The following SERBP1 variants were observed in gnomAD, a reference collection of about 807,000 sequenced individuals.
SERBP1 encodes SERPINE1 mRNA-binding protein 1.
A neutral mutation model predicts 50.2 loss-of-function variants in SERBP1; 6 were observed. That is an observed-to-expected ratio of 0.12 (90% CI 0.07 to 0.24). The LOEUF is 0.24. Among genes scored for constraint, SERBP1 ranks in the 10% least tolerant of loss-of-function variants. The probability of loss-of-function intolerance (pLI) is 1.00; values close to 1 mark genes in which losing one functional copy is unlikely to be tolerated. For synonymous variants in SERBP1, 168 were observed against 182.8 expected (o/e 0.92, Z 0.65); for missense variants, 346 against 524.9 (o/e 0.66, Z 3.33).
chr1:67,410,524 C>T lies in SERBP1; in HGVS notation c.*2683G>A, dbSNP rs1666800115. The T allele has an allele frequency of 6.6e-6, 1 of 152,080 alleles. No homozygotes were observed. The highest frequency in any genetic ancestry group is 2.1e-4 in the South Asian group (1 of 4,826). 9.4% of individuals were successfully genotyped at this position (152,080 alleles called of 1,614,324 possible). ...CAATTTTTAAAAGTCTTGCTTAACTCCACAGGTCTCAAAATAGCTAATAAA... is the reference window on the plus strand; with the variant it reads ...CAATTTTTAAAAGTCTTGCTTAACTTCACAGGTCTCAAAATAGCTAATAAA... On this transcript the variant is annotated 3_prime_UTR_variant, in exon 8 of 8. Coordinates refer to ENST00000361219, the MANE Select transcript of SERBP1 (RefSeq NM_001018069.2).
At position 67,411,369 on chromosome 1, in the gene SERBP1, T is replaced by A. The variant is rs1361452558; in HGVS notation, c.*1838A>T. On this transcript the variant is annotated 3_prime_UTR_variant, in exon 8 of 8. Coordinates refer to ENST00000361219, the MANE Select transcript of SERBP1 (RefSeq NM_001018069.2). ...CATGTTTGGAAATGAGTTAGATACTTGAAAAGTCTAAACACACTGATTTAG... is the reference window on the plus strand; with the variant it reads ...CATGTTTGGAAATGAGTTAGATACTAGAAAAGTCTAAACACACTGATTTAG... 1 of 152,328 alleles carries A rather than the reference T, an allele frequency of 6.6e-6. No homozygotes were observed. Among genetic ancestry groups the A allele is most frequent in the African/African-American group, 2.4e-5 (1 of 41,584 alleles). 9.4% of individuals were successfully genotyped at this position (152,328 alleles called of 1,614,324 possible). A position where few individuals can be genotyped will look rare whatever the true frequency, so the allele number is the denominator to read the frequency against.
Position 67,411,281 on chromosome 1 carries a change from T to A in SERBP1, c.*1926A>T, listed in dbSNP as rs977689854. The A allele has an allele frequency of 1.2e-4, 19 of 152,142 alleles. No individual in the cohort carries two copies. Among genetic ancestry groups the A allele is most frequent in the African/African-American group, 4.6e-4 (19 of 41,442 alleles). The allele number at this position is 152,142 out of a possible 1,614,324, so 9.4% of individuals were successfully genotyped here. A position where few individuals can be genotyped will look rare whatever the true frequency, so the allele number is the denominator to read the frequency against. ...AATGGATGACACTGAGAAGTTGTGTTTTGAGTAGCAGGTGTTTTCTATAGT... is the reference window on the plus strand; with the variant it reads ...AATGGATGACACTGAGAAGTTGTGTATTGAGTAGCAGGTGTTTTCTATAGT... On this transcript the variant is annotated 3_prime_UTR_variant, in exon 8 of 8. Transcript: ENST00000361219.
intron 3 of SERBP1, 32 bp from the exon 4 acceptor site, chr1:67,425,009 A>G (rs202084429): frequency 1.2e-6 from 2 of 1,603,100 alleles, no homozygotes; most frequent in Non-Finnish European, 1.7e-6. Flanking sequence ...AATACTCTTT[A>G]GTTCTAGAAA....
At chr1:67,426,004 C>CA (rs1168926389) in intron 2 of SERBP1, 131 bp downstream of exon 2, 1 of 744,982 alleles carries the variant, frequency 1.3e-6, no homozygotes, top group African/African-American at 1.8e-5. Context: ...CCGAGCTACT[C>CA]AAGAGGAGAC....
Position 67,415,161 on chromosome 1 carries a change from A to G in SERBP1, c.1125+5T>C, listed in dbSNP as rs1666961246. On this transcript the variant is annotated splice_donor_5th_base_variant and intron_variant, in intron 7 of 7. Transcript: ENST00000361219. The stretch of plus-strand genomic sequence containing the variant: ...ATGTAAAAGGAAAAGAAAGTCTTAA[A>G]TTACCTTGTCGGTCCTGCTGCCACG... 1.9e-6 allele frequency: 3 copies of G among 1,567,870 alleles called. No individual in the cohort carries two copies. The highest frequency in any genetic ancestry group is 2.6e-6 in the Non-Finnish European group (3 of 1,161,010).
At chr1:67,425,003 C>A (rs1248222833) in intron 3 of SERBP1, 26 bp from the exon 4 acceptor site, 1 of 1,604,698 alleles carries the variant, frequency 6.2e-7, no homozygotes, top group African/African-American at 1.3e-5. Context: ...TAACATAATA[C>A]TCTTTAGTTC....
At chr1:67,424,790 G>C (rs1250050582) in intron 4 of SERBP1, 98 bp downstream of exon 4, 3 of 902,798 alleles carry the variant, frequency 3.3e-6, no homozygotes, top group South Asian at 2.8e-5. Flanking sequence ...TCTCAGAAGA[G>C]AGCATTCATT....
chr1:67,421,769 CATG>C (rs927765922), intron 5 of SERBP1, among the ~76,000 whole-genome samples: 1 of 152,136 alleles, frequency 6.6e-6, no homozygotes. Flanking sequence ...GCCTGGCCAA[CATG>C]GTGTAACCAT....
At position 67,424,455 on chromosome 1, in the gene SERBP1, G is replaced by A. The variant is rs992250194; in HGVS notation, c.696-178C>T. On this transcript the variant is annotated intron_variant, in intron 4 of 7. Transcript: ENST00000361219. ...CTAAATATACTCCCCAGAAGACGTC[G>A]AAAAGTAAACAATATAAACTAGTTA... 7.0e-6 allele frequency: 5 copies of A among 716,190 alleles called. No homozygotes were observed. The South Asian group carries it at 7.3e-5, about 10-fold the overall frequency. The allele number at this position is 716,190 out of a possible 1,614,324, so 44.4% of individuals were successfully genotyped here.
chr1:67,423,423 A>G (rs1667267908), intron 5 of SERBP1, among the ~76,000 whole-genome samples: 1 of 152,080 alleles, frequency 6.6e-6, no homozygotes, highest in African/African-American at 2.4e-5. Context: ...CCTGGGCAAA[A>G]TGGTGAAACC....
rs1412499808 is a variant in SERBP1, at chr1:67,408,860, CCTTA to C, written c.*4343_*4346del. On this transcript the variant is annotated 3_prime_UTR_variant, in exon 8 of 8. Transcript: ENST00000361219. ...GTTTTACTAACAAGTTTTATCTTGC[CCTTA>C]CTTTGATTATATAGAGGTGTAAAGT... 1 of 152,010 alleles carries C rather than the reference CCTTA, an allele frequency of 6.6e-6. No individual in the cohort carries two copies. Among genetic ancestry groups the C allele is most frequent in the Non-Finnish European group, 1.5e-5 (1 of 68,012 alleles). 9.4% of individuals were successfully genotyped at this position (152,010 alleles called of 1,614,324 possible). A position where few individuals can be genotyped will look rare whatever the true frequency, so the allele number is the denominator to read the frequency against.
Position 67,410,099 on chromosome 1 carries a change from C to G in SERBP1, c.*3108G>C, listed in dbSNP as rs1281204450. On this transcript the variant is annotated 3_prime_UTR_variant, in exon 8 of 8. Transcript: ENST00000361219. ...TTGCTATACCATTGGACTGGAGGTCCACTAATATACCTGAATAATCTTACC... is the reference window on the plus strand; with the variant it reads ...TTGCTATACCATTGGACTGGAGGTCGACTAATATACCTGAATAATCTTACC... The G allele has an allele frequency of 6.6e-6, 1 of 152,148 alleles. No individual in the cohort carries two copies. Among genetic ancestry groups the G allele is most frequent in the Admixed American group, 6.6e-5 (1 of 15,266 alleles). 9.4% of individuals were successfully genotyped at this position (152,148 alleles called of 1,614,324 possible).
intron 7 of SERBP1, among the ~76,000 whole-genome samples, chr1:67,413,666 A>C (rs1389132275): frequency 1.3e-5 from 2 of 151,982 alleles, no homozygotes; most frequent in African/African-American, 4.8e-5. Context: ...AAAAAAAAAA[A>C]ATCCTACTGT....
intron 1 of SERBP1, among the ~76,000 whole-genome samples, chr1:67,428,561 G>C (rs992666822): frequency 1.3e-5 from 2 of 152,164 alleles, no homozygotes; most frequent in East Asian, 3.8e-4. Flanking sequence ...AATTGTGCTA[G>C]ATTGCCATAA....
chr1:67,429,982 C>A lies in SERBP1; in HGVS notation c.313+6G>T. 3 of 1,600,494 alleles carry A rather than the reference C, an allele frequency of 1.9e-6. No homozygotes were observed. In the South Asian group the frequency reaches 3.4e-5, roughly 18 times the overall value. On this transcript the variant is annotated splice_donor_region_variant and intron_variant, in intron 1 of 7. Coordinates refer to ENST00000361219, the MANE Select transcript of SERBP1 (RefSeq NM_001018069.2). ...CAGTCTCCCCCACATTCTGCCCCTG[C>A]TTTACCTTCTTTCTTAAGCGCCACG...
At chr1:67,413,730 C>T (rs925225579) in intron 7 of SERBP1, among the ~76,000 whole-genome samples, 1 of 151,502 alleles carries the variant, frequency 6.6e-6, no homozygotes, top group African/African-American at 2.4e-5. Context: ...AAAAAAACTA[C>T]AAGTATTTGC....
chr1:67,415,182 C>A lies in SERBP1; in HGVS notation c.1109G>T (p.Gly370Val), dbSNP rs142607592. 32 of 1,594,792 alleles carry A rather than the reference C, an allele frequency of 2.0e-5. No individual in the cohort carries two copies. Among genetic ancestry groups the A allele is most frequent in the Non-Finnish European group, 2.6e-5 (30 of 1,173,366 alleles). ...GRGRGGRPNR[G>V]SRTDKSSASA... Reference sequence around the variant, plus strand: ...TTAAATTACCTTGTCGGTCCTGCTGCCACGGTTTGGGCGCCCACCACGCCC... The same window carrying A: ...TTAAATTACCTTGTCGGTCCTGCTGACACGGTTTGGGCGCCCACCACGCCC... The change falls in exon 7 of 8, where the codon GGC becomes GTC. Residue 370 changes from glycine (G) to valine (V), a missense_variant. Physicochemically the swap from Gly to Val is moderately radical, Grantham distance 109. Transcript: ENST00000361219.
At chr1:67,418,899 C>T (rs1249453488) in intron 6 of SERBP1, among the ~76,000 whole-genome samples, 1 of 152,082 alleles carries the variant, frequency 6.6e-6, no homozygotes, top group Non-Finnish European at 1.5e-5. Flanking sequence ...AAATCAAACA[C>T]AAATGTCAAA....
chr1:67,422,948 C>G (rs928794359), intron 5 of SERBP1, among the ~76,000 whole-genome samples: 3 of 143,884 alleles, frequency 2.1e-5, no homozygotes, highest in African/African-American at 7.7e-5. Context: ...GGCAACAGAG[C>G]GAGAATGTCT....
Sources: gnomAD v4.1 joint callset for allele counts (sites outside exome capture counted in the v4.1 genomes callset) on GRCh38, gnomAD v4.1.1 for gene constraint, MANE v1.5 for transcripts, NCBI Gene and HGNC (gene_info 2026-07-23, HGNC 2026-07-21) for gene names.